Variants in AMBRA1 observed in about 807,000 individuals in gnomAD.
AMBRA1 encodes the protein autophagy and beclin 1 regulator 1, also known as activating molecule in BECN1-regulated autophagy protein 1.
AMBRA1 carries 47 observed loss-of-function variants against 125.4 expected under a neutral mutation model. The observed-to-expected ratio is 0.37, with a 90% confidence interval of 0.30 to 0.48. AMBRA1 has a LOEUF of 0.48. Among genes scored for constraint, AMBRA1 ranks in the 20% least tolerant of loss-of-function variants. AMBRA1 has a pLI of 0.99. For missense variants in AMBRA1, 1,331 were observed against 1,693.4 expected, an observed-to-expected ratio of 0.79 and a Z score of 3.76; for synonymous variants, 626 against 655.5, an observed-to-expected ratio of 0.95 and a Z score of 0.69.
chr11:46,492,051 T>C (rs1292633816), intron 11 of AMBRA1, among the ~76,000 whole-genome samples: 1 of 152,164 alleles, frequency 6.6e-6, no homozygotes, highest in Non-Finnish European at 1.5e-5. Context: ...CAGCAAGTTA[T>C]TATCTGCCAG....
At chr11:46,544,361 G>A (rs1005825955) in intron 5 of AMBRA1, among the ~76,000 whole-genome samples, 11 of 152,184 alleles carry the variant, frequency 7.2e-5, no homozygotes, top group Non-Finnish European at 1.6e-4. Flanking sequence ...AGCATAAAAT[G>A]CTCTCATACT....
chr11:46,397,158 G>A lies in AMBRA1; in HGVS notation c.*292C>T, dbSNP rs1034887512. ...TGAGTCCCCTGAGCCCATGTTACTA[G>A]GAGAAAGTGGGGTGCCTGGCAGAGA... On this transcript the variant is annotated 3_prime_UTR_variant, in exon 18 of 18. Transcript: ENST00000683756. The A allele has an allele frequency of 3.4e-5, 10 of 294,868 alleles. No individual in the cohort carries two copies. The highest frequency in any genetic ancestry group is 5.6e-5 in the Non-Finnish European group (9 of 160,560). 18.3% of individuals were successfully genotyped at this position (294,868 alleles called of 1,614,324 possible). A position where few individuals can be genotyped will look rare whatever the true frequency, so the allele number is the denominator to read the frequency against.
chr11:46,448,292 G>A (rs1450247817), intron 11 of AMBRA1, among the ~76,000 whole-genome samples: 2 of 152,118 alleles, frequency 1.3e-5, no homozygotes, highest in African/African-American at 2.4e-5. Flanking sequence ...CTAGAAATCC[G>A]TAATAAAAAG....
chr11:46,451,282 G>C (rs570528929), intron 11 of AMBRA1, among the ~76,000 whole-genome samples: 1 of 152,314 alleles, frequency 6.6e-6, no homozygotes, highest in Non-Finnish European at 1.5e-5. Flanking sequence ...TCTCATTCCA[G>C]AGTCAGGTCT....
Position 46,397,094 on chromosome 11 carries a change from G to A in AMBRA1, c.*356C>T, listed in dbSNP as rs1171075731. ...TGTCCAGGATGATTGGCCCAGATCT[G>A]GAAGACTGTTCACTCTCTGGAGGCT... On this transcript the variant is annotated 3_prime_UTR_variant, in exon 18 of 18. Transcript: ENST00000683756. The A allele has an allele frequency of 1.0e-5, 2 of 190,878 alleles. No individual in the cohort carries two copies. The highest frequency in any genetic ancestry group is 6.1e-5 in the Admixed American group (1 of 16,362). The allele number at this position is 190,878 out of a possible 1,614,324, so 11.8% of individuals were successfully genotyped here. A position where few individuals can be genotyped will look rare whatever the true frequency, so the allele number is the denominator to read the frequency against.
intron 1 of AMBRA1, among the ~76,000 whole-genome samples, chr11:46,560,459 T>C (rs1480994530): frequency 1.3e-5 from 2 of 152,336 alleles, no homozygotes; most frequent in East Asian, 1.9e-4. Context: ...TGCTGCCTAA[T>C]GTCTGAAACA....
intron 11 of AMBRA1, chr11:46,491,492 A>ATAT (rs935210117): frequency 1.3e-5 from 2 of 152,208 alleles, no homozygotes; most frequent in Admixed American, 1.3e-4. Flanking sequence ...TTTTGTTGCT[A>ATAT]TATTATTATT....
At chr11:46,573,319 G>A (rs902573089) in intron 1 of AMBRA1, among the ~76,000 whole-genome samples, 1 of 151,730 alleles carries the variant, frequency 6.6e-6, no homozygotes, top group Non-Finnish European at 1.5e-5. Context: ...GCAGAGAATC[G>A]CTGGAACCCG....
chr11:46,478,350 T>C (rs534797958), intron 11 of AMBRA1, among the ~76,000 whole-genome samples: 2 of 152,290 alleles, frequency 1.3e-5, no homozygotes, highest in South Asian at 2.1e-4. Context: ...TACAGCAAAT[T>C]AGTAAGTGCT....
chr11:46,400,250 T>A (rs1945675146), intron 17 of AMBRA1, among the ~76,000 whole-genome samples: 1 of 152,086 alleles, frequency 6.6e-6, no homozygotes, highest in South Asian at 2.1e-4. Flanking sequence ...TTTGGGGGTT[T>A]TGATGGTGAG....
chr11:46,477,010 C>T (rs1301412588), intron 11 of AMBRA1, among the ~76,000 whole-genome samples: 1 of 151,556 alleles, frequency 6.6e-6, no homozygotes, highest in Non-Finnish European at 1.5e-5. Context: ...ACTAGGTAGG[C>T]TGAGGCATGA....
intron 1 of AMBRA1, among the ~76,000 whole-genome samples, chr11:46,590,308 C>A (rs1378965124): frequency 6.6e-6 from 1 of 151,476 alleles, no homozygotes. Context: ...CCACTGCCTG[C>A]AGCCTGGTGA....
In AMBRA1 at chr11:46,543,119, C is replaced by T. The variant is rs1952832055; in HGVS notation, c.898G>A (p.Glu300Lys). The T allele has an allele frequency of 1.9e-6, 3 of 1,574,148 alleles. No homozygotes were observed. The highest frequency in any genetic ancestry group is 1.9e-5 in the Admixed American group (1 of 53,782). ...AGGATCCCAAGGTGCTGGCAGCACT[C>T]AGCTGTGGGGTAACTGACCCGCTGT... ...LRQRVSYPTA[E>K]CCQHLGILCL... is the part of the protein sequence containing the mutation. The change falls in exon 7 of 18, where the codon GAG becomes AAG. Residue 300 changes from glutamate to lysine, a missense_variant. This residue lies in a region of AMBRA1 where 689 missense variants were observed against 776.5 expected (regional missense o/e 0.89). Transcript: ENST00000683756.
At chr11:46,492,149 A>G (rs900061075) in intron 11 of AMBRA1, among the ~76,000 whole-genome samples, 4 of 152,216 alleles carry the variant, frequency 2.6e-5, no homozygotes, top group African/African-American at 9.6e-5. Context: ...TTTTACAACT[A>G]GGGCCAGAGC....
intron 12 of AMBRA1, among the ~76,000 whole-genome samples, chr11:46,440,343 T>C (rs1178132035): frequency 6.6e-6 from 1 of 152,206 alleles, no homozygotes; most frequent in Non-Finnish European, 1.5e-5. Context: ...ACATACAGCA[T>C]GCTACCATTT....
intron 12 of AMBRA1, among the ~76,000 whole-genome samples, chr11:46,435,938 G>C (rs1159137835): frequency 6.6e-6 from 1 of 152,236 alleles, no homozygotes; most frequent in African/African-American, 2.4e-5. Context: ...CTGCCAGGAA[G>C]AAGTGGCTTA....
intron 1 of AMBRA1, among the ~76,000 whole-genome samples, chr11:46,576,039 C>T (rs985044601): frequency 6.6e-6 from 1 of 152,186 alleles, no homozygotes; most frequent in African/African-American, 2.4e-5. Context: ...ACTCTCAAAT[C>T]ACACACTCTA....
At position 46,569,428 on chromosome 11, in the gene AMBRA1, TAA is replaced by T. The variant is rs60592464; in HGVS notation, c.-120-20930_-120-20929del. 4.0e-3 allele frequency among the ~76,000 whole-genome samples: 512 copies of T among 127,046 alleles called. 5 individuals carry two copies. The highest frequency in any genetic ancestry group is 0.013 in the African/African-American group (437 of 33,450). The allele number at this position is 127,046 out of a possible 152,430, so 83.3% of individuals were successfully genotyped here. A position where few individuals can be genotyped will look rare whatever the true frequency, so the allele number is the denominator to read the frequency against. The stretch of plus-strand genomic sequence containing the variant: ...TATTATCACTATATCACTGAGAGAT[TAA>T]AAAAAAAAAAATATATATATATATA... On this transcript the variant is annotated intron_variant, in intron 1 of 17. Transcript: ENST00000683756.
chr11:46,425,015 T>A (rs563177978), intron 14 of AMBRA1, among the ~76,000 whole-genome samples: 4 of 152,242 alleles, frequency 2.6e-5, no homozygotes, highest in African/African-American at 9.6e-5. Flanking sequence ...GTGCCTGTAA[T>A]CCCAGCTACC....
Sources: allele counts gnomAD v4.1 joint callset (sites outside exome capture counted in the v4.1 genomes callset), GRCh38; gene constraint gnomAD v4.1.1; regional missense constraint gnomAD v4.1.1; transcripts MANE v1.5; gene names NCBI Gene and HGNC (gene_info 2026-07-23, HGNC 2026-07-21).